The following CCDC149 variants were observed in gnomAD, a reference collection of about 807,000 sequenced individuals.
CCDC149 encodes coiled-coil domain containing 149.
CCDC149 carries 45 observed loss-of-function variants against 59.9 expected under a neutral mutation model. The observed-to-expected ratio is 0.75, with a 90% CI of 0.59 to 0.96. The LOEUF (loss-of-function observed/expected upper bound fraction) is 0.96, where lower values mean the gene tolerates loss of function less well. Among genes scored for constraint, CCDC149 ranks in the 40% least tolerant of loss-of-function variants. The pLI is 0.00. For synonymous variants in CCDC149, 245 were observed against 260.6 expected (o/e 0.94, Z 0.58); for missense variants, 584 against 664.7 (o/e 0.88, Z 1.33).
At chr4:24,952,626 AATATATATATATATATATATATATAT>A (rs199615303) in intron 1 of CCDC149, among the ~76,000 whole-genome samples, 2 of 28,450 alleles carry the variant, frequency 7.0e-5, no homozygotes, top group Non-Finnish European at 1.3e-4. Flanking sequence ...AAAAAAAAAA[AATATATATATATATATATATATATAT>A]ATATATATAT....
chr4:24,883,579 C>T (rs955122372), intron 1 of CCDC149, among the ~76,000 whole-genome samples: 8 of 152,158 alleles, frequency 5.3e-5, no homozygotes, highest in African/African-American at 1.7e-4. Context: ...AAATCATTCA[C>T]TTGTTCTCTG....
intron 3 of CCDC149, among the ~76,000 whole-genome samples, chr4:24,853,579 C>A (rs1717807987): frequency 7.8e-6 from 1 of 127,992 alleles, no homozygotes; most frequent in Non-Finnish European, 1.6e-5. Flanking sequence ...CAGAGCAAGA[C>A]TCCATTTCAA....
intron 1 of CCDC149, among the ~76,000 whole-genome samples, chr4:24,972,000 C>T (rs1057105955): frequency 2.0e-5 from 3 of 152,166 alleles, no homozygotes; most frequent in African/African-American, 7.2e-5. Context: ...TTCCAGTTGT[C>T]CCACCTTTCC....
chr4:24,909,303 C>T (rs992926674), intron 1 of CCDC149, among the ~76,000 whole-genome samples: 1 of 152,096 alleles, frequency 6.6e-6, no homozygotes, highest in Non-Finnish European at 1.5e-5. Context: ...CACGAAAATC[C>T]CATGTAGTCC....
At chr4:24,948,920 C>T (rs913401498) in intron 1 of CCDC149, among the ~76,000 whole-genome samples, 1 of 152,196 alleles carries the variant, frequency 6.6e-6, no homozygotes, top group African/African-American at 2.4e-5. Flanking sequence ...TCTTTGCCAT[C>T]CACTATGTAA....
At chr4:24,957,363 T>A (rs983641464) in intron 1 of CCDC149, among the ~76,000 whole-genome samples, 1 of 152,200 alleles carries the variant, frequency 6.6e-6, no homozygotes, top group African/African-American at 2.4e-5. Context: ...TAAGCTCACA[T>A]GTATAACTTT....
At chr4:24,881,624 T>C (rs1719845994) in intron 1 of CCDC149, among the ~76,000 whole-genome samples, 1 of 152,306 alleles carries the variant, frequency 6.6e-6, no homozygotes, top group African/African-American at 2.4e-5. Context: ...TCCTGACTCA[T>C]ATGGTCTGCA....
At chr4:24,821,426 A>G (rs1715389503) in intron 10 of CCDC149, among the ~76,000 whole-genome samples, 1 of 152,258 alleles carries the variant, frequency 6.6e-6, no homozygotes, top group Admixed American at 6.5e-5. Flanking sequence ...TTGTGCAGAC[A>G]TGGATCATTC....
Position 24,912,916 on chromosome 4 carries a change from C to T in CCDC149, c.-37G>A. ...CCTCCTGGACCCCCGCCGCCTCCTCCTCCTCGCGACGTCGCGTCGCCGCCG... is the reference window on the plus strand; with the variant it reads ...CCTCCTGGACCCCCGCCGCCTCCTCTTCCTCGCGACGTCGCGTCGCCGCCG... On this transcript the variant is annotated 5_prime_UTR_variant, in exon 1 of 13. Coordinates refer to ENST00000635206, the MANE Select transcript of CCDC149 (RefSeq NM_001330643.2). 8.1e-7 allele frequency: 1 copy of T among 1,230,704 alleles called. No homozygotes were observed. Among genetic ancestry groups the T allele is most frequent in the Non-Finnish European group, 1.0e-6 (1 of 955,106 alleles). The allele number at this position is 1,230,704 out of a possible 1,614,324, so 76.2% of individuals were successfully genotyped here. A position where few individuals can be genotyped will look rare whatever the true frequency, so the allele number is the denominator to read the frequency against.
At chr4:24,856,158 G>C (rs1471613957) in intron 3 of CCDC149, among the ~76,000 whole-genome samples, 1 of 55,954 alleles carries the variant, frequency 1.8e-5, no homozygotes, top group African/African-American at 6.2e-5. Flanking sequence ...TGCAGCGAAG[G>C]CCTCTCCTTG....
intron 1 of CCDC149, among the ~76,000 whole-genome samples, chr4:24,930,783 T>C (rs1722564292): frequency 6.6e-6 from 1 of 152,152 alleles, no homozygotes; most frequent in Non-Finnish European, 1.5e-5. Flanking sequence ...GGAGAGTTTA[T>C]AGAGATAAGT....
intron 1 of CCDC149, among the ~76,000 whole-genome samples, chr4:24,888,576 T>A (rs1720336297): frequency 6.6e-6 from 1 of 152,142 alleles, no homozygotes; most frequent in South Asian, 2.1e-4. Flanking sequence ...AGATAGACAT[T>A]CAGAACCTCC....
intron 10 of CCDC149, 122 bp downstream of exon 10, chr4:24,822,375 A>C: frequency 1.8e-6 from 1 of 569,618 alleles, no homozygotes; most frequent in African/African-American, 2.0e-5. Context: ...GATCTACTTT[A>C]AATAAGGTAG....
At chr4:24,844,062 G>T (rs2109159294) in intron 4 of CCDC149, among the ~76,000 whole-genome samples, 1 of 152,108 alleles carries the variant, frequency 6.6e-6, no homozygotes, top group South Asian at 2.1e-4. Flanking sequence ...TCCCCTCTCT[G>T]AGAAGCCTTC....
intron 9 of CCDC149, among the ~76,000 whole-genome samples, chr4:24,825,468 CA>C: frequency 6.6e-6 from 1 of 152,146 alleles, no homozygotes. Context: ...AGGGGCCAGG[CA>C]AAAACACAGG....
chr4:24,839,182 CTT>C (rs763819835), intron 4 of CCDC149, among the ~76,000 whole-genome samples: 8 of 144,238 alleles, frequency 5.5e-5, no homozygotes, highest in Admixed American at 6.9e-5. Flanking sequence ...TACTTTCTAA[CTT>C]TTTTTTTTTT....
intron 3 of CCDC149, among the ~76,000 whole-genome samples, chr4:24,865,811 G>C (rs781505039): frequency 6.6e-6 from 1 of 152,058 alleles, no homozygotes; most frequent in Admixed American, 6.5e-5. Context: ...TCTATAAATC[G>C]GGGGGTGCTT....
intron 1 of CCDC149, among the ~76,000 whole-genome samples, chr4:24,888,988 A>C (rs1256981816): frequency 6.6e-6 from 1 of 151,872 alleles, no homozygotes; most frequent in Non-Finnish European, 1.5e-5. Flanking sequence ...TACTTTTGAC[A>C]GGCAAACTTT....
chr4:24,918,990 A>C (rs1722210089), intron 1 of CCDC149, among the ~76,000 whole-genome samples: 1 of 152,232 alleles, frequency 6.6e-6, no homozygotes, highest in Admixed American at 6.5e-5. Context: ...CACTGTCAAC[A>C]AGGGTGTTTG....
Sources: allele counts gnomAD v4.1 joint callset (sites outside exome capture counted in the v4.1 genomes callset), GRCh38; gene constraint gnomAD v4.1.1; transcripts MANE v1.5; gene names NCBI Gene and HGNC (gene_info 2026-07-23, HGNC 2026-07-21).